The following ZNF394 variants were observed in gnomAD, a reference collection of about 807,000 sequenced individuals.
ZNF394 encodes zinc finger protein 394.
In ZNF394, 19 loss-of-function variants were observed where a neutral mutation model predicts 21.8. The ratio of observed to expected loss-of-function variants is 0.87; its 90% confidence interval spans 0.61 to 1.28. The LOEUF is 1.28. ZNF394 is among the 50% of genes most tolerant of loss of function. The probability of loss-of-function intolerance (pLI) is 0.00; values close to 1 mark genes in which losing one functional copy is unlikely to be tolerated. For synonymous variants in ZNF394, 294 were observed against 273.3 expected, an observed-to-expected ratio of 1.08 and a Z score of -0.75; for missense variants, 683 against 708.6, an observed-to-expected ratio of 0.96 and a Z score of 0.41.
At chr7:99,491,552 C>T (rs1053707738), downstream of ZNF394, among the ~76,000 whole-genome samples, 7 of 151,894 alleles carry the variant, frequency 4.6e-5, no homozygotes, top group Non-Finnish European at 8.8e-5. Flanking sequence ...CTGAGGCGGG[C>T]GGACCACGAG....
intron 2 of ZNF394, among the ~76,000 whole-genome samples, chr7:99,495,323 G>A (rs1039493777): frequency 4.8e-5 from 7 of 147,206 alleles, no homozygotes; most frequent in African/African-American, 1.3e-4. Flanking sequence ...TTATTTTATC[G>A]TATCTTATTT....
chr7:99,497,010 C>A (rs578198915), intron 2 of ZNF394, among the ~76,000 whole-genome samples: 24 of 150,174 alleles, frequency 1.6e-4, no homozygotes, highest in African/African-American at 5.6e-4. Flanking sequence ...CGTTCCAAGT[C>A]CCCCAGTGAT....
Position 99,499,935 on chromosome 7 carries a change from A to G in ZNF394, c.159T>C (p.Tyr53=), listed in dbSNP as rs148702080. ...EDSPGSWEPN[Y]PAASPDPETS... Reference sequence around the variant, plus strand: ...TTTCGGGGTCCGGCGAAGCCGCGGGATAGTTGGGCTCCCAACTTCCGGGTG... The same window carrying G: ...TTTCGGGGTCCGGCGAAGCCGCGGGGTAGTTGGGCTCCCAACTTCCGGGTG... Residue 53 remains tyrosine (Y), a synonymous_variant, in exon 1 of 3, where the codon TAT becomes TAC. Transcript: ENST00000337673. The G allele has an allele frequency of 4.3e-4, 686 of 1,614,046 alleles. 1 individual carries two copies. The highest frequency in any genetic ancestry group is 4.0e-3 in the African/African-American group (303 of 75,036).
chr7:99,486,627 C>G, exon 2 of ZNF394: 1 of 1,614,180 alleles, frequency 6.2e-7, no homozygotes, highest in South Asian at 1.1e-5. Flanking sequence ...TGGACAGTTG[C>G]AGGCTTACTT....
intron 1 of ZNF394, among the ~76,000 whole-genome samples, chr7:99,499,197 GA>G (rs1800437771): frequency 6.6e-6 from 1 of 151,864 alleles, no homozygotes; most frequent in East Asian, 1.9e-4. Context: ...CCAACACAGT[GA>G]AACCCCGTCT....
chr7:99,500,210 A>G lies in ZNF394; in HGVS notation c.-117T>C. ...GGTCCCAAACACCGGGCCCCACCAC[A>G]CCAGGCCCCTCTCCACACTCTCCTT... On this transcript the variant is annotated 5_prime_UTR_variant, in exon 1 of 3. Coordinates refer to ENST00000337673, the MANE Select transcript of ZNF394 (RefSeq NM_032164.4). The G allele has an allele frequency of 1.1e-6, 1 of 949,478 alleles. No homozygotes were observed. 58.8% of individuals were successfully genotyped at this position (949,478 alleles called of 1,614,324 possible). A position where few individuals can be genotyped will look rare whatever the true frequency, so the allele number is the denominator to read the frequency against.
At chr7:99,499,181 GC>G (rs1800437405) in intron 1 of ZNF394, among the ~76,000 whole-genome samples, 1 of 151,812 alleles carries the variant, frequency 6.6e-6, no homozygotes, top group Non-Finnish European at 1.5e-5. Flanking sequence ...TTCGAGACCA[GC>G]CTGGCCAACA....
In ZNF394 at chr7:99,499,656, G is replaced by A. The variant is rs763438237; in HGVS notation, c.438C>T (p.Leu146=). The A allele has an allele frequency of 6.3e-7, 1 of 1,598,806 alleles. No homozygotes were observed. The highest frequency in any genetic ancestry group is 8.5e-7 in the Non-Finnish European group (1 of 1,174,902). ...VAVVRALQRA[L]DGTSSQGMVT... is the part of the protein sequence containing the mutation. ...TTCTCACCTGGGATGAGGTTCCATC[G>A]AGCGCTCGCTGCAGAGCCCGCACCA... Residue 146 remains leucine (L), a synonymous_variant, in exon 1 of 3, where the codon CTC becomes CTT. Coordinates refer to ENST00000337673, the MANE Select transcript of ZNF394 (RefSeq NM_032164.4).
At position 99,494,216 on chromosome 7, in the gene ZNF394, C is replaced by T. The variant is rs762584008; in HGVS notation, c.999G>A (p.Lys333=). ...MVTWHVLKPH[K]SDSGDSFHHS... is the part of the protein sequence containing the mutation. Reference sequence around the variant, plus strand: ...GATGGAAACTGTCTCCACTGTCAGACTTGTGAGGTTTCAGCACGTGCCACG... The same window carrying T: ...GATGGAAACTGTCTCCACTGTCAGATTTGTGAGGTTTCAGCACGTGCCACG... The change falls in exon 3 of 3, where the codon AAG becomes AAA. Residue 333 remains lysine (K), a synonymous_variant. Coordinates refer to ENST00000337673, the MANE Select transcript of ZNF394 (RefSeq NM_032164.4). The T allele has an allele frequency of 5.0e-6, 8 of 1,614,256 alleles. No individual in the cohort carries two copies. The East Asian group carries it at 1.3e-4, about 27-fold the overall frequency.
At chr7:99,491,765 C>CAGAA (rs1355423312), downstream of ZNF394, among the ~76,000 whole-genome samples, 2 of 55,052 alleles carry the variant, frequency 3.6e-5, no homozygotes, top group African/African-American at 4.6e-4. Context: ...GACAGAGAAT[C>CAGAA]TGTCTCAAAA....
At chr7:99,491,128 G>A (rs1800153439), downstream of ZNF394, among the ~76,000 whole-genome samples, 1 of 152,032 alleles carries the variant, frequency 6.6e-6, no homozygotes, top group Non-Finnish European at 1.5e-5. Flanking sequence ...AGCCCCTAGT[G>A]GAGCTGAGCA....
intron 1 of ZNF394, chr7:99,487,589 AG>A (rs2151076680): frequency 7.1e-7 from 1 of 1,412,182 alleles, no homozygotes; most frequent in African/African-American, 1.4e-5. Flanking sequence ...AATGTAACAA[AG>A]GGTTTTTCTA....
chr7:99,492,195 CTTCTT>C (rs1446845031), downstream of ZNF394, among the ~76,000 whole-genome samples: 1 of 151,998 alleles, frequency 6.6e-6, no homozygotes, highest in South Asian at 2.1e-4. Context: ...AAATAGAGTG[CTTCTT>C]TTGAGTACTG....
At chr7:99,490,146 CT>C (rs943034221), downstream of ZNF394, among the ~76,000 whole-genome samples, 11,227 of 89,126 alleles carry the variant, frequency 0.13, 317 homozygotes, top group African/African-American at 0.26. Context: ...AAAACCTCAT[CT>C]TTTTTTTTTT....
chr7:99,488,764 C>T (rs1026698321), downstream of ZNF394, among the ~76,000 whole-genome samples: 1 of 150,778 alleles, frequency 6.6e-6, no homozygotes, highest in East Asian at 2.0e-4. Flanking sequence ...CCCGTCTCTA[C>T]TAAAAATACA....
At chr7:99,489,535 G>T (rs573808006), downstream of ZNF394, among the ~76,000 whole-genome samples, 20 of 152,206 alleles carry the variant, frequency 1.3e-4, no homozygotes, top group African/African-American at 4.6e-4. Context: ...GTTTCCAGAG[G>T]TTCCCCATGA....
chr7:99,498,493 CT>C (rs1217492075), intron 2 of ZNF394: 31 of 491,498 alleles, frequency 6.3e-5, no homozygotes, highest in East Asian at 8.4e-5. Flanking sequence ...TGGTCATTAT[CT>C]TTTTTTTATA....
At chr7:99,497,553 CAG>C (rs1355537740) in intron 2 of ZNF394, among the ~76,000 whole-genome samples, 5 of 151,558 alleles carry the variant, frequency 3.3e-5, no homozygotes, top group Non-Finnish European at 7.4e-5. Flanking sequence ...AAGAGATTAA[CAG>C]TAACTATTAA....
In ZNF394 at chr7:99,498,030, T is replaced by G. The variant is rs566435378; in HGVS notation, c.583+686A>C. The G allele has an allele frequency of 5.3e-5, 8 of 152,328 alleles. No individual in the cohort carries two copies. The East Asian group carries it at 1.5e-3, about 29-fold the overall frequency. The allele number at this position is 152,328 out of a possible 1,614,324, so 9.4% of individuals were successfully genotyped here. ...GGGGACTACTGCCTGTCTCTAGGCA[T>G]ATTCTCTTCAAAAACTCCAACATAG... On this transcript the variant is annotated intron_variant, in intron 2 of 2. Transcript: ENST00000337673.
Sources: allele counts gnomAD v4.1 joint callset (sites outside exome capture counted in the v4.1 genomes callset), GRCh38; gene constraint gnomAD v4.1.1; transcripts MANE v1.5; gene names NCBI Gene and HGNC (gene_info 2026-07-23, HGNC 2026-07-21).